Variants in SLCO6A1 observed in about 807,000 individuals in gnomAD.
SLCO6A1 encodes solute carrier organic anion transporter family member 6A1.
Under a neutral mutation model 72.7 loss-of-function variants are expected in SLCO6A1, and 65 were observed. That is an observed-to-expected ratio of 0.89 (90% CI 0.73 to 1.10). The LOEUF (loss-of-function observed/expected upper bound fraction) is 1.10. Among genes scored for constraint, SLCO6A1 ranks in the 50% least tolerant of loss-of-function variants. The pLI, the probability that SLCO6A1 is intolerant of heterozygous loss-of-function variation, is 0.00. For missense variants in SLCO6A1, 874 were observed against 872.6 expected (o/e 1.00, Z -0.02); for synonymous variants, 314 against 298.2 (o/e 1.05, Z -0.55).
intron 7 of SLCO6A1, among the ~76,000 whole-genome samples, chr5:102,435,576 G>A (rs1749484894): frequency 6.6e-6 from 1 of 152,136 alleles, no homozygotes; most frequent in African/African-American, 2.4e-5. Flanking sequence ...ATCATGGCCA[G>A]TGTAAAAGGT....
chr5:102,415,043 C>A (rs1748207465), intron 8 of SLCO6A1, among the ~76,000 whole-genome samples: 2 of 151,884 alleles, frequency 1.3e-5, no homozygotes, highest in South Asian at 4.1e-4. Context: ...AAGAAAACTA[C>A]AAGAAAGTAA....
intron 6 of SLCO6A1, among the ~76,000 whole-genome samples, chr5:102,453,221 TG>T (rs1308625058): frequency 6.6e-6 from 1 of 151,898 alleles, no homozygotes; most frequent in Non-Finnish European, 1.5e-5. Flanking sequence ...TAGCTGGGTA[TG>T]GTGATGTGCA....
At chr5:102,377,643 A>G (rs1396779045) in intron 12 of SLCO6A1, among the ~76,000 whole-genome samples, 2 of 151,786 alleles carry the variant, frequency 1.3e-5, no homozygotes, top group South Asian at 2.1e-4. Context: ...ATATATATAT[A>G]TATCTATAGA....
At chr5:102,444,225 A>T (rs1381957947) in intron 6 of SLCO6A1, among the ~76,000 whole-genome samples, 1 of 152,198 alleles carries the variant, frequency 6.6e-6, no homozygotes, top group Non-Finnish European at 1.5e-5. Flanking sequence ...AAGGCAGAGG[A>T]ATGTTGCAAG....
chr5:102,427,881 T>A lies in SLCO6A1; in HGVS notation c.1277-7860A>T, dbSNP rs1432459528. On this transcript the variant is annotated intron_variant, in intron 7 of 13. Transcript: ENST00000506729. ...ATATATATATTTTTTTTTTTTTTTT[T>A]TTTTTTGAGACCGAGTCTTGCTCTG... Among the ~76,000 whole-genome samples, 425 of 127,984 alleles carry A rather than the reference T, an allele frequency of 3.3e-3. 5 individuals are homozygous for A. Among genetic ancestry groups the A allele is most frequent in the Non-Finnish European group, 5.9e-3 (354 of 60,368 alleles). The allele number at this position is 127,984 out of a possible 152,430, so 84.0% of individuals were successfully genotyped here. A position where few individuals can be genotyped will look rare whatever the true frequency, so the allele number is the denominator to read the frequency against.
chr5:102,455,143 T>C (rs1750640245), intron 6 of SLCO6A1, among the ~76,000 whole-genome samples: 1 of 151,354 alleles, frequency 6.6e-6, no homozygotes, highest in Non-Finnish European at 1.5e-5. Context: ...AGAGAGACAA[T>C]GACATTTTAA....
chr5:102,475,239 C>T (rs970975465), intron 4 of SLCO6A1, among the ~76,000 whole-genome samples: 1 of 152,004 alleles, frequency 6.6e-6, no homozygotes, highest in Non-Finnish European at 1.5e-5. Context: ...TACAATAATA[C>T]AGTGGAGTAT....
chr5:102,469,683 T>C (rs1751501696), intron 4 of SLCO6A1, among the ~76,000 whole-genome samples: 1 of 152,158 alleles, frequency 6.6e-6, no homozygotes, highest in Non-Finnish European at 1.5e-5. Flanking sequence ...TGGCCAGAAC[T>C]TCCAATACTA....
At chr5:102,460,387 A>G (rs1305269764) in intron 4 of SLCO6A1, among the ~76,000 whole-genome samples, 1 of 152,130 alleles carries the variant, frequency 6.6e-6, no homozygotes, top group Non-Finnish European at 1.5e-5. Flanking sequence ...TTTGTTCACC[A>G]TAAAGCCTTG....
At chr5:102,410,068 T>C (rs1438081676) in intron 9 of SLCO6A1, among the ~76,000 whole-genome samples, 5 of 152,116 alleles carry the variant, frequency 3.3e-5, no homozygotes, top group African/African-American at 7.2e-5. Flanking sequence ...TTATCCTGTG[T>C]CCAGGAAGAA....
chr5:102,433,533 G>A (rs78315393), intron 7 of SLCO6A1, among the ~76,000 whole-genome samples: 1 of 152,072 alleles, frequency 6.6e-6, no homozygotes, highest in Non-Finnish European at 1.5e-5. Flanking sequence ...GAAGGCAAAG[G>A]CTCAGCTCAG....
At chr5:102,374,652 T>C (rs1028479841) in intron 12 of SLCO6A1, among the ~76,000 whole-genome samples, 9 of 152,176 alleles carry the variant, frequency 5.9e-5, no homozygotes, top group Non-Finnish European at 1.2e-4. Context: ...AATGATACAA[T>C]AACATTTTAT....
intron 6 of SLCO6A1, among the ~76,000 whole-genome samples, chr5:102,444,688 G>A (rs1345715812): frequency 3.3e-5 from 5 of 152,120 alleles, no homozygotes; most frequent in African/African-American, 1.2e-4. Context: ...CCTAGGAGAT[G>A]ATTCAGAGAC....
intron 6 of SLCO6A1, among the ~76,000 whole-genome samples, chr5:102,455,023 T>C (rs199710613): frequency 3.4e-4 from 16 of 46,612 alleles, no homozygotes; most frequent in African/African-American, 6.2e-4. Context: ...TATATATATA[T>C]ATATAAATTA....
At chr5:102,481,674 C>G (rs1350764551) in intron 1 of SLCO6A1, among the ~76,000 whole-genome samples, 1 of 152,104 alleles carries the variant, frequency 6.6e-6, no homozygotes, top group Admixed American at 6.6e-5. Flanking sequence ...ACTTTCATAT[C>G]AAATAAGTAG....
chr5:102,460,062 T>C (rs927962827), intron 4 of SLCO6A1, among the ~76,000 whole-genome samples: 2 of 142,936 alleles, frequency 1.4e-5, no homozygotes, highest in South Asian at 4.3e-4. Flanking sequence ...TGTTTCTTCC[T>C]ATTTAACTTT....
chr5:102,465,736 C>A (rs1427718167), intron 4 of SLCO6A1, among the ~76,000 whole-genome samples: 3 of 152,118 alleles, frequency 2.0e-5, no homozygotes, highest in Non-Finnish European at 4.4e-5. Flanking sequence ...CATATGAATA[C>A]CTTACCCTCA....
chr5:102,378,049 G>A (rs12055218), intron 12 of SLCO6A1, among the ~76,000 whole-genome samples: 38,835 of 151,048 alleles, frequency 0.26, 5,004 homozygotes, highest in South Asian at 0.29. Context: ...TAATAAACAA[G>A]GTATTAATTT....
chr5:102,462,116 C>G (rs1751069319), intron 4 of SLCO6A1, among the ~76,000 whole-genome samples: 1 of 152,076 alleles, frequency 6.6e-6, no homozygotes, highest in Non-Finnish European at 1.5e-5. Flanking sequence ...AGAACTCAAT[C>G]TCTTTTACAA....
Sources: allele counts gnomAD v4.1 joint callset (sites outside exome capture counted in the v4.1 genomes callset), GRCh38; gene constraint gnomAD v4.1.1; transcripts MANE v1.5; gene names NCBI Gene and HGNC (gene_info 2026-07-23, HGNC 2026-07-21).